The following UBE2E3 variants were observed in gnomAD, a reference collection of about 807,000 sequenced individuals.
UBE2E3 encodes ubiquitin conjugating enzyme E2 E3, also known as ubiquitin-conjugating enzyme E2 E3.
UBE2E3 carries 5 observed loss-of-function variants against 23.6 expected under a neutral mutation model. The ratio of observed to expected loss-of-function variants is 0.21; its 90% CI spans 0.11 to 0.44. The LOEUF (loss-of-function observed/expected upper bound fraction) is 0.44, where lower values mean the gene tolerates loss of function less well. UBE2E3 is among the 20% of genes least tolerant of loss of function. The pLI is 0.99. For synonymous variants in UBE2E3, 78 were observed against 87.5 expected (o/e 0.89, Z 0.60); for missense variants, 81 against 249.8 (o/e 0.32, Z 4.55).
chr2:180,997,192 T>C (rs150136318), intron 3 of UBE2E3, among the ~76,000 whole-genome samples: 1 of 152,030 alleles, frequency 6.6e-6, no homozygotes, highest in Non-Finnish European at 1.5e-5. Context: ...GCTCATTTAA[T>C]TCTTTCATCT....
intron 3 of UBE2E3, among the ~76,000 whole-genome samples, chr2:181,034,004 A>G (rs1323430118): frequency 1.2e-4 from 19 of 152,242 alleles, no homozygotes; most frequent in East Asian, 9.7e-4. Flanking sequence ...TTAGAATGGC[A>G]ATCATTAAAA....
intron 3 of UBE2E3, among the ~76,000 whole-genome samples, chr2:181,003,073 T>A (rs1306069627): frequency 6.6e-6 from 1 of 152,246 alleles, no homozygotes; most frequent in East Asian, 1.9e-4. Context: ...TGAGAGAGTC[T>A]CTCTGTTCCT....
At chr2:181,062,507 C>T (rs1298548980) in intron 5 of UBE2E3, among the ~76,000 whole-genome samples, 1 of 151,330 alleles carries the variant, frequency 6.6e-6, no homozygotes, top group East Asian at 2.0e-4. Flanking sequence ...GCCAAAATTA[C>T]AAAATAGTTT....
intron 3 of UBE2E3, among the ~76,000 whole-genome samples, chr2:181,027,123 C>T (rs1314465709): frequency 1.3e-5 from 2 of 151,850 alleles, no homozygotes; most frequent in Non-Finnish European, 3.0e-5. Context: ...CTTAGATTGT[C>T]TGTACCTGTG....
rs866136525 is a variant in UBE2E3 at position 181,000,585 on chromosome 2, C to T, written c.245+16492C>T. ...TTTTTTTTTTTTTGAGACAGAGTCT[C>T]GCTCTGTCGCCCAGGCTGCAGTGCA... On this transcript the variant is annotated intron_variant, in intron 3 of 5. Transcript: ENST00000410062. Among the ~76,000 whole-genome samples, 22 of 147,954 alleles carry T rather than the reference C, an allele frequency of 1.5e-4. No individual in the cohort carries two copies. The East Asian group carries it at 1.8e-3, about 12-fold the overall frequency.
intron 3 of UBE2E3, among the ~76,000 whole-genome samples, chr2:180,989,235 T>G (rs1430375186): frequency 6.6e-6 from 1 of 152,156 alleles, no homozygotes; most frequent in East Asian, 1.9e-4. Context: ...AGTACTTTTT[T>G]CATGCTGTAT....
At chr2:181,042,374 AG>A (rs764550655) in intron 3 of UBE2E3, among the ~76,000 whole-genome samples, 34 of 152,338 alleles carry the variant, frequency 2.2e-4, no homozygotes, top group Non-Finnish European at 3.7e-4. Context: ...GCCCCCCATC[AG>A]TGTGACCTAA....
At chr2:181,001,741 G>A (rs1684996333) in intron 3 of UBE2E3, among the ~76,000 whole-genome samples, 1 of 152,084 alleles carries the variant, frequency 6.6e-6, no homozygotes, top group Non-Finnish European at 1.5e-5. Context: ...AACCAGTTGT[G>A]GTGGTTATAG....
At chr2:180,982,305 G>A (rs1010721225) in intron 2 of UBE2E3, 69 bp downstream of exon 2, 15 of 1,419,760 alleles carry the variant, frequency 1.1e-5, no homozygotes, top group African/African-American at 1.4e-5. Flanking sequence ...CGCTTTTGTT[G>A]GTTTTACCTC....
intron 2 of UBE2E3, 70 bp from the exon 3 acceptor site, chr2:180,983,973 G>A: frequency 8.0e-7 from 1 of 1,246,288 alleles, no homozygotes; most frequent in Non-Finnish European, 1.1e-6. Context: ...GTGGTAGAGG[G>A]CAGTGTAATT....
At chr2:181,032,551 G>T (rs1686117258) in intron 3 of UBE2E3, among the ~76,000 whole-genome samples, 1 of 152,054 alleles carries the variant, frequency 6.6e-6, no homozygotes, top group Non-Finnish European at 1.5e-5. Flanking sequence ...TCATTTGTCA[G>T]TGTCTCATTT....
chr2:181,032,622 T>G (rs1253308305), intron 3 of UBE2E3, among the ~76,000 whole-genome samples: 1 of 152,230 alleles, frequency 6.6e-6, no homozygotes, highest in African/African-American at 2.4e-5. Flanking sequence ...TTGATATTTA[T>G]TTTCTTCTAA....
chr2:181,002,807 C>T (rs62180119), intron 3 of UBE2E3, among the ~76,000 whole-genome samples: 35,347 of 152,066 alleles, frequency 0.23, 4,481 homozygotes, highest in Non-Finnish European at 0.28. Context: ...TTTCACTTAT[C>T]TTCGATTATC....
At chr2:180,984,947 C>T (rs575750787) in intron 3 of UBE2E3, among the ~76,000 whole-genome samples, 2 of 151,876 alleles carry the variant, frequency 1.3e-5, no homozygotes, top group South Asian at 4.2e-4. Flanking sequence ...CTCAATAATG[C>T]GAGTGGCTGC....
chr2:181,015,274 A>G (rs910409639), intron 3 of UBE2E3, among the ~76,000 whole-genome samples: 9 of 152,196 alleles, frequency 5.9e-5, no homozygotes, highest in Non-Finnish European at 1.0e-4. Flanking sequence ...AAGCCTACAT[A>G]TAGTCACATT....
chr2:181,060,194 G>A (rs995584175), intron 4 of UBE2E3, among the ~76,000 whole-genome samples: 7 of 151,620 alleles, frequency 4.6e-5, no homozygotes, highest in African/African-American at 7.3e-5. Flanking sequence ...ATTTTCTAAC[G>A]TTTGGTAAGA....
chr2:180,986,427 T>C (rs746550357), intron 3 of UBE2E3, among the ~76,000 whole-genome samples: 9 of 152,176 alleles, frequency 5.9e-5, no homozygotes, highest in Non-Finnish European at 1.2e-4. Flanking sequence ...GAATACTGAG[T>C]GTTTAGTAAA....
At chr2:181,024,892 A>G (rs183164104) in intron 3 of UBE2E3, among the ~76,000 whole-genome samples, 1 of 152,136 alleles carries the variant, frequency 6.6e-6, no homozygotes, top group African/African-American at 2.4e-5. Context: ...GCAATTTCAA[A>G]GGTAGAATTT....
chr2:181,048,125 T>G (rs1686724966), intron 3 of UBE2E3, among the ~76,000 whole-genome samples: 1 of 152,152 alleles, frequency 6.6e-6, no homozygotes, highest in Non-Finnish European at 1.5e-5. Flanking sequence ...AAATAATCTT[T>G]TAAATATTGC....
Sources: allele counts gnomAD v4.1 joint callset (sites outside exome capture counted in the v4.1 genomes callset), GRCh38; gene constraint gnomAD v4.1.1; transcripts MANE v1.5; gene names NCBI Gene and HGNC (gene_info 2026-07-23, HGNC 2026-07-21).